The following PCM1 variants were observed in gnomAD, a reference collection of about 807,000 sequenced individuals.
The protein encoded by PCM1 is pericentriolar material 1, also known as pericentriolar material 1 protein.
In PCM1, 157 loss-of-function variants were observed where a neutral mutation model predicts 241.9. The observed-to-expected ratio is 0.65, with a 90% CI of 0.57 to 0.74. PCM1 has a LOEUF of 0.74. Ranked by LOEUF, PCM1 falls within the 30% of genes least tolerant of loss-of-function variation. The pLI is 0.00. For missense variants in PCM1, 3,478 were observed against 2,360.1 expected (o/e 1.47, Z -9.81); for synonymous variants, 1,085 against 784.9 (o/e 1.38, Z -6.39).
intron 24 of PCM1, among the ~76,000 whole-genome samples, chr8:17,981,766 A>G (rs2080906010): frequency 6.6e-6 from 1 of 152,120 alleles, no homozygotes. Context: ...CAAAGAGGGA[A>G]CTTTTTTTTG....
At chr8:17,987,163 TA>T (rs1329930438) in intron 26 of PCM1, among the ~76,000 whole-genome samples, 1 of 151,922 alleles carries the variant, frequency 6.6e-6, no homozygotes, top group African/African-American at 2.4e-5. Flanking sequence ...ATGTGAAATG[TA>T]AATTAGTGTC....
intron 26 of PCM1, among the ~76,000 whole-genome samples, chr8:17,987,540 T>A (rs533824178): frequency 7.2e-5 from 11 of 152,006 alleles, no homozygotes; most frequent in African/African-American, 2.2e-4. Context: ...TAAATGAAAT[T>A]TAAAGATGCT....
Position 17,963,121 on chromosome 8 carries a change from A to C in PCM1, c.2484A>C (p.Arg828Ser). The change falls in exon 17 of 39, where the codon AGA becomes AGC. Residue 828 changes from arginine (R) to serine (S), a missense_variant. Transcript: ENST00000325083. Reference protein sequence around the residue: ...VDNELWSEMRRHEMLREELRQ... With the variant: ...VDNELWSEMRSHEMLREELRQ... The stretch of plus-strand genomic sequence containing the variant: ...AATAGTTGTGGTCAGAAATGAGAAG[A>C]CATGAAATGTTGAGGGAGGAGCTGC... 6.2e-7 allele frequency: 1 copy of C among 1,611,064 alleles called. No individual in the cohort carries two copies. Among genetic ancestry groups the C allele is most frequent in the Non-Finnish European group, 8.5e-7 (1 of 1,178,450 alleles).
intron 38 of PCM1, 55 bp from the exon 39 acceptor site, chr8:18,027,582 T>A: frequency 7.8e-7 from 1 of 1,281,774 alleles, no homozygotes; most frequent in South Asian, 1.4e-5. Context: ...AGAACAATGT[T>A]AAATTCTAGT....
chr8:17,951,524 C>T (rs1407179173), intron 8 of PCM1, among the ~76,000 whole-genome samples: 1 of 152,166 alleles, frequency 6.6e-6, no homozygotes, highest in Non-Finnish European at 1.5e-5. Context: ...TGTCCATCAA[C>T]AGAAATGGGC....
intron 13 of PCM1, 38 bp downstream of exon 13, chr8:17,957,813 A>G (rs1441129843): frequency 4.4e-6 from 6 of 1,361,982 alleles, no homozygotes; most frequent in East Asian, 4.6e-5. Context: ...CTATTTGTCA[A>G]ATAGTACAGT....
chr8:17,927,970 A>G (rs561011824), intron 2 of PCM1: 2 of 151,696 alleles, frequency 1.3e-5, no homozygotes, highest in African/African-American at 2.4e-5. Flanking sequence ...AAGGCTGTTA[A>G]AAATAGCTAA....
At chr8:17,968,914 G>T (rs2075961957) in intron 21 of PCM1, among the ~76,000 whole-genome samples, 1 of 151,760 alleles carries the variant, frequency 6.6e-6, no homozygotes, top group African/African-American at 2.4e-5. Flanking sequence ...ATAAGAAATT[G>T]CAAATGCTCT....
At position 17,967,142 on chromosome 8, in the gene PCM1, A is replaced by T; in HGVS notation, c.3384A>T (p.Gly1128=). The change falls in exon 21 of 39, where the codon GGA becomes GGT. Residue 1128 remains glycine (G), a synonymous_variant. Coordinates refer to ENST00000325083, the MANE Select transcript of PCM1 (RefSeq NM_006197.4). ...TQPVNLFNIP[G]FTNFSSFAPG... ...CTGTAAATCTCTTCAATATACCTGG[A>T]TTTACTAACTTTTCATCATTTGCAC... 6.3e-7 allele frequency: 1 copy of T among 1,599,886 alleles called. No individual in the cohort carries two copies. The highest frequency in any genetic ancestry group is 8.5e-7 in the Non-Finnish European group (1 of 1,172,354).
chr8:18,005,325 C>G (rs180868473), intron 29 of PCM1, among the ~76,000 whole-genome samples: 175 of 150,128 alleles, frequency 1.2e-3, no homozygotes, highest in African/African-American at 4.1e-3. Flanking sequence ...ATTTGACTCT[C>G]TGAAGACAGG....
chr8:17,992,928 T>G (rs968304138), intron 28 of PCM1, among the ~76,000 whole-genome samples: 14 of 143,964 alleles, frequency 9.7e-5, no homozygotes, highest in Non-Finnish European at 2.2e-4. Flanking sequence ...TAGCCCACTT[T>G]TTGATGGTTT....
In PCM1 at chr8:18,014,601, C is replaced by T. The variant is rs2092943212; in HGVS notation, c.5602C>T (p.Pro1868Ser). The T allele has an allele frequency of 6.2e-7, 1 of 1,607,654 alleles. No individual in the cohort carries two copies. Among genetic ancestry groups the T allele is most frequent in the East Asian group, 2.2e-5 (1 of 44,782 alleles). ...GATGACAGATGACCAAAATAACTGT[C>T]CTGTGAAACCCTGTTACCTCAATAT... ...ATSKNDQNNCPVKPCYLNILE... is the reference protein window; with the variant it reads ...ATSKNDQNNCSVKPCYLNILE... The change falls in exon 36 of 39, where the codon CCT (proline) becomes TCT (serine). Residue 1868 changes from proline to serine, a missense_variant. Transcript: ENST00000325083.
At position 17,947,297 on chromosome 8, in the gene PCM1, C is replaced by T. The variant is rs372296525; in HGVS notation, c.895C>T (p.Arg299Trp). The T allele has an allele frequency of 3.1e-5, 50 of 1,612,288 alleles. No homozygotes were observed. Among genetic ancestry groups the T allele is most frequent in the African/African-American group, 1.1e-4 (8 of 74,852 alleles). ...GGAGCAACTAAGAGCTCTACAGGGA[C>T]GGCAGGCTGCACTTCTAGCTCTGCA... ...QQEQLRALQGRQAALLALQHK... is the reference protein window; with the variant it reads ...QQEQLRALQGWQAALLALQHK... Residue 299 changes from arginine to tryptophan, a missense_variant, in exon 7 of 39, where the codon CGG becomes TGG. Transcript: ENST00000325083.
chr8:17,985,839 C>A, intron 25 of PCM1, 120 bp from the exon 26 acceptor site: 1 of 761,818 alleles, frequency 1.3e-6, no homozygotes, highest in Non-Finnish European at 2.0e-6. Context: ...CACACTTAAC[C>A]TGTGAGGGTA....
chr8:18,026,304 G>A (rs1229116439), intron 38 of PCM1, among the ~76,000 whole-genome samples: 1 of 140,616 alleles, frequency 7.1e-6, no homozygotes. Context: ...ACCGAGGCTG[G>A]AGTGCAGTGG....
chr8:17,990,046 G>A (rs1324272060), intron 27 of PCM1, 67 bp downstream of exon 27: 10 of 1,312,996 alleles, frequency 7.6e-6, no homozygotes, highest in Non-Finnish European at 9.2e-6. Flanking sequence ...TTGAATTGGC[G>A]TTGATAAGGA....
At chr8:18,024,717 A>G (rs184981643) in intron 36 of PCM1, among the ~76,000 whole-genome samples, 1 of 152,338 alleles carries the variant, frequency 6.6e-6, no homozygotes, top group African/African-American at 2.4e-5. Flanking sequence ...TGACTATAGC[A>G]TATACTATCA....
In PCM1 at chr8:18,014,800, G is replaced by C. The variant is rs764296653; in HGVS notation, c.5801G>C (p.Gly1934Ala). ...GAAACTCCTGAAAGCTCTCTGGCTG[G>C]AAGTCCTGATACTGAATCTCCAGTG... ...AQETPESSLA[G>A]SPDTESPVLV... Residue 1934 changes from glycine to alanine, a missense_variant, in exon 36 of 39, where the codon GGA becomes GCA. Gly to Ala is a moderately conservative substitution (Grantham distance 60). Coordinates refer to ENST00000325083, the MANE Select transcript of PCM1 (RefSeq NM_006197.4). The C allele has an allele frequency of 2.5e-6, 4 of 1,604,678 alleles. No individual in the cohort carries two copies. In the African/African-American group the frequency reaches 5.3e-5, roughly 21 times the overall value.
chr8:17,957,489 G>T, intron 12 of PCM1, 51 bp from the exon 13 acceptor site: 5 of 1,604,880 alleles, frequency 3.1e-6, no homozygotes, highest in Non-Finnish European at 4.3e-6. Flanking sequence ...TCGTTCATGT[G>T]TGCTCTTTCC....
Sources: allele counts gnomAD v4.1 joint callset (sites outside exome capture counted in the v4.1 genomes callset), GRCh38; gene constraint gnomAD v4.1.1; transcripts MANE v1.5; gene names NCBI Gene and HGNC (gene_info 2026-07-23, HGNC 2026-07-21).